The following RGMB variants were observed in gnomAD, a reference collection of about 807,000 sequenced individuals.
RGMB encodes the protein repulsive guidance molecule B.
Under a neutral mutation model 26.9 loss-of-function variants are expected in RGMB, and 16 were observed. The ratio of observed to expected loss-of-function variants is 0.60; its 90% confidence interval spans 0.40 to 0.90. RGMB has a LOEUF of 0.90. Ranked by LOEUF, RGMB falls within the 40% of genes least tolerant of loss-of-function variation. The pLI is 0.00. For missense variants in RGMB, 512 were observed against 573.3 expected, an observed-to-expected ratio of 0.89 and a Z score of 1.09; for synonymous variants, 225 against 229.3, an observed-to-expected ratio of 0.98 and a Z score of 0.17.
In RGMB at chr5:98,780,017, A is replaced by G. The variant is rs1746543087; in HGVS notation, c.574A>G (p.Asn192Asp). ...AGAAGGGGCCTGGCCACTCATAGAT[A>G]ATAATTATCTTTCAGTTCAAGTGAC... ...KVEGAWPLID[N>D]NYLSVQVTNV... The change falls in exon 2 of 3, where the codon AAT (asparagine) becomes GAT (aspartate). Residue 192 changes from asparagine (N) to aspartate (D), a missense_variant. By Grantham distance (23) the Asn-to-Asp change is conservative. Coordinates refer to ENST00000513185, the MANE Select transcript of RGMB (RefSeq NM_001366508.1). The G allele has an allele frequency of 6.2e-7, 1 of 1,613,726 alleles. No individual in the cohort carries two copies. Among genetic ancestry groups the G allele is most frequent in the African/African-American group, 1.3e-5 (1 of 74,924 alleles).
upstream of RGMB, chr5:98,768,789 G>C (rs1287707327): frequency 2.0e-5 from 3 of 152,258 alleles, no homozygotes; most frequent in East Asian, 5.8e-4. Flanking sequence ...CGAAAGTCCA[G>C]CGGACCATTC....
upstream of RGMB, chr5:98,770,592 A>T: frequency 7.7e-7 from 1 of 1,299,252 alleles, no homozygotes; most frequent in Non-Finnish European, 9.9e-7. Flanking sequence ...CTTCTCTCAC[A>T]CCCAGGTCCT....
At chr5:98,775,848 G>C (rs909217436) in intron 1 of RGMB, among the ~76,000 whole-genome samples, 1 of 152,236 alleles carries the variant, frequency 6.6e-6, no homozygotes. Context: ...CAACTTGTTG[G>C]AGTGAAGCGA....
intron 2 of RGMB, among the ~76,000 whole-genome samples, chr5:98,789,460 C>T (rs1302128308): frequency 6.6e-6 from 1 of 151,152 alleles, no homozygotes; most frequent in Non-Finnish European, 1.5e-5. Flanking sequence ...TGTTGGCTAC[C>T]TAATTTTCAT....
chr5:98,778,413 C>T (rs1486894074), intron 1 of RGMB, among the ~76,000 whole-genome samples: 2 of 152,098 alleles, frequency 1.3e-5, no homozygotes, highest in East Asian at 1.9e-4. Flanking sequence ...GAAAAGAATA[C>T]AAAGTTCGTC....
At position 98,779,653 on chromosome 5, in the gene RGMB, G is replaced by C; in HGVS notation, c.210G>C (p.Leu70=). 6.4e-7 allele frequency: 1 copy of C among 1,564,420 alleles called. No homozygotes were observed. The change falls in exon 2 of 3, where the codon CTG becomes CTC. Residue 70 remains leucine (L), a synonymous_variant. Coordinates refer to ENST00000513185, the MANE Select transcript of RGMB (RefSeq NM_001366508.1). ...ACTTCGTGTCCCTGACTTCTCACCT[G>C]AACTCTGCCGTTGACGGCTTTGACT... The part of the protein sequence containing the change: ...TTDFVSLTSH[L]NSAVDGFDSE...
In RGMB at chr5:98,796,388, G is replaced by T. The variant is rs371229624; in HGVS notation, c.*2635G>T. 11 of 145,984 alleles carry T rather than the reference G, an allele frequency of 7.5e-5. 1 individual carries two copies. The highest frequency in any genetic ancestry group is 2.8e-4 in the African/African-American group (11 of 39,440). The allele number at this position is 145,984 out of a possible 1,614,324, so 9.0% of individuals were successfully genotyped here. A position where few individuals can be genotyped will look rare whatever the true frequency, so the allele number is the denominator to read the frequency against. On this transcript the variant is annotated 3_prime_UTR_variant, in exon 3 of 3. Coordinates refer to ENST00000513185, the MANE Select transcript of RGMB (RefSeq NM_001366508.1). Reference sequence around the variant, plus strand: ...CTTTGCAAAGAAACCTTTAGATGTGGTTCATAGATATATGAATACGTATCT... The same window carrying T: ...CTTTGCAAAGAAACCTTTAGATGTGTTTCATAGATATATGAATACGTATCT...
chr5:98,775,338 A>T (rs1005498573), intron 1 of RGMB, among the ~76,000 whole-genome samples: 1 of 152,246 alleles, frequency 6.6e-6, no homozygotes, highest in African/African-American at 2.4e-5. Context: ...ATGATGTAAT[A>T]GCTGCTTTTT....
Position 98,794,071 on chromosome 5 carries a change from T to C in RGMB, c.*318T>C, listed in dbSNP as rs975963431. On this transcript the variant is annotated 3_prime_UTR_variant, in exon 3 of 3. Coordinates refer to ENST00000513185, the MANE Select transcript of RGMB (RefSeq NM_001366508.1). ...TATGTGTGTGCTTGGTTGATATGTA[T>C]AGTACATATACACAGACATCCATAT... 1 of 203,766 alleles carries C rather than the reference T, an allele frequency of 4.9e-6. No homozygotes were observed. Among genetic ancestry groups the C allele is most frequent in the Admixed American group, 5.4e-5 (1 of 18,634 alleles). The allele number at this position is 203,766 out of a possible 1,614,324, so 12.6% of individuals were successfully genotyped here. A position where few individuals can be genotyped will look rare whatever the true frequency, so the allele number is the denominator to read the frequency against.
chr5:98,790,962 T>G (rs1746910958), intron 2 of RGMB, among the ~76,000 whole-genome samples: 1 of 152,140 alleles, frequency 6.6e-6, no homozygotes, highest in South Asian at 2.1e-4. Flanking sequence ...GAATCAATCT[T>G]TTCATCTCCA....
At chr5:98,774,495 G>C (rs1472545133) in intron 1 of RGMB, among the ~76,000 whole-genome samples, 1 of 152,228 alleles carries the variant, frequency 6.6e-6, no homozygotes, top group Non-Finnish European at 1.5e-5. Context: ...CATTTAGCGG[G>C]CGGGGGCCGC....
chr5:98,789,635 C>G (rs1261325881), intron 2 of RGMB, among the ~76,000 whole-genome samples: 3 of 152,054 alleles, frequency 2.0e-5, no homozygotes, highest in Non-Finnish European at 2.9e-5. Flanking sequence ...TGGTGAAGAT[C>G]TAGGAGAGTG....
chr5:98,777,326 C>G (rs1388576407), intron 1 of RGMB, among the ~76,000 whole-genome samples: 2 of 152,132 alleles, frequency 1.3e-5, no homozygotes, highest in Non-Finnish European at 2.9e-5. Flanking sequence ...AGTTCTTGTG[C>G]TGTCATTTAT....
At position 98,794,539 on chromosome 5, in the gene RGMB, A is replaced by G. The variant is rs1190947118; in HGVS notation, c.*786A>G. The stretch of plus-strand genomic sequence containing the variant: ...CTCAGTAACTCCTAGACTTTTTCTC[A>G]TCCCATGCCCCGTTTTAAATTGTCA... On this transcript the variant is annotated 3_prime_UTR_variant, in exon 3 of 3. Coordinates refer to ENST00000513185, the MANE Select transcript of RGMB (RefSeq NM_001366508.1). The G allele has an allele frequency of 6.6e-6, 1 of 152,172 alleles. No individual in the cohort carries two copies. The highest frequency in any genetic ancestry group is 1.9e-4 in the East Asian group (1 of 5,198). 9.4% of individuals were successfully genotyped at this position (152,172 alleles called of 1,614,324 possible).
chr5:98,773,231 TAATTA>T, upstream of RGMB: 2 of 150,714 alleles, frequency 1.3e-5, no homozygotes. Context: ...CAGGGAGGGG[TAATTA>T]AATTAAAAAA....
chr5:98,791,470 G>A (rs1746926435), intron 2 of RGMB, among the ~76,000 whole-genome samples: 1 of 152,052 alleles, frequency 6.6e-6, no homozygotes, highest in African/African-American at 2.4e-5. Flanking sequence ...GGGTGGTGGT[G>A]AGGACTTCGG....
upstream of RGMB, chr5:98,773,110 C>A (rs896437004): frequency 1.3e-5 from 2 of 152,180 alleles, no homozygotes; most frequent in African/African-American, 4.8e-5. Context: ...TCAAACGACT[C>A]GGAACGCGGT....
In RGMB at chr5:98,795,759, G is replaced by A. The variant is rs528991683; in HGVS notation, c.*2006G>A. The A allele has an allele frequency of 2.6e-5, 4 of 152,238 alleles. No individual in the cohort carries two copies. Among genetic ancestry groups the A allele is most frequent in the East Asian group, 1.9e-4 (1 of 5,186 alleles). The allele number at this position is 152,238 out of a possible 1,614,324, so 9.4% of individuals were successfully genotyped here. ...TGTTTTATAATTGAGTAGTACAAGC[G>A]AGGAAAAAATACGGAGGATAACCAC... On this transcript the variant is annotated 3_prime_UTR_variant, in exon 3 of 3. Coordinates refer to ENST00000513185, the MANE Select transcript of RGMB (RefSeq NM_001366508.1).
At chr5:98,783,476 G>A (rs1318025946) in intron 2 of RGMB, among the ~76,000 whole-genome samples, 1 of 152,164 alleles carries the variant, frequency 6.6e-6, no homozygotes, top group African/African-American at 2.4e-5. Flanking sequence ...CCCTTCACAG[G>A]CTCCAGAGAG....
Sources: allele counts gnomAD v4.1 joint callset (sites outside exome capture counted in the v4.1 genomes callset), GRCh38; gene constraint gnomAD v4.1.1; transcripts MANE v1.5; gene names NCBI Gene and HGNC (gene_info 2026-07-23, HGNC 2026-07-21).